The following JADE3 variants were observed in gnomAD, a reference collection of about 807,000 sequenced individuals.
The protein encoded by JADE3 is jade family PHD finger 3.
In JADE3, 2 loss-of-function variants were observed where a neutral mutation model predicts 50.1. The ratio of observed to expected loss-of-function variants is 0.04; its 90% CI spans 0.02 to 0.13. The LOEUF (loss-of-function observed/expected upper bound fraction) is 0.13. Among genes scored for constraint, JADE3 ranks in the 10% least tolerant of loss-of-function variants. JADE3 has a pLI of 1.00. For missense variants in JADE3, 475 were observed against 634.4 expected, an observed-to-expected ratio of 0.75 and a Z score of 2.70; for synonymous variants, 218 against 232.9, an observed-to-expected ratio of 0.94 and a Z score of 0.58.
intron 1 of JADE3, among the ~76,000 whole-genome samples, chrX:46,962,450 A>G (rs782151135): frequency 8.1e-5 from 9 of 111,776 alleles, no homozygotes; most frequent in African/African-American, 2.9e-4. Context: ...GGGTGCTCAG[A>G]TCTGATCTAG....
rs7057693 is a variant in JADE3 at position 46,923,534 on chromosome X, C to T, written c.-12+10815C>T. Among the ~76,000 whole-genome samples, 456 of 104,822 alleles carry T rather than the reference C, an allele frequency of 4.4e-3. 1 individual carries two copies. The highest frequency in any genetic ancestry group is 0.015 in the African/African-American group (423 of 29,163). The allele number at this position is 104,822 out of a possible 115,157, so 91.0% of individuals were successfully genotyped here. ...TCAAGCAGTCCTCCAACCTCAGCCT[C>T]CTGAGTATCTGGGACCACAAGTGCA... is the stretch of plus-strand genomic sequence containing the variant. On this transcript the variant is annotated intron_variant, in intron 1 of 10. Coordinates refer to ENST00000614628, the MANE Select transcript of JADE3 (RefSeq NM_014735.5).
intron 1 of JADE3, among the ~76,000 whole-genome samples, chrX:46,925,395 TG>T: frequency 8.9e-6 from 1 of 112,623 alleles, no homozygotes. Context: ...TATCATTCAG[TG>T]GGGATGTGTG....
chrX:46,920,978 C>T, intron 1 of JADE3, among the ~76,000 whole-genome samples: 1 of 112,068 alleles, frequency 8.9e-6, no homozygotes, highest in Non-Finnish European at 1.9e-5. Flanking sequence ...CAGGGTCTCA[C>T]TGTATTGGCC....
chrX:46,917,528 C>T lies in JADE3; in HGVS notation c.-12+4809C>T, dbSNP rs188870950. On this transcript the variant is annotated intron_variant, in intron 1 of 10. Coordinates refer to ENST00000614628, the MANE Select transcript of JADE3 (RefSeq NM_014735.5). ...GGGAGACCAGCATGGTGCCCTGAGCCTTGAGAATGAGCAGGAATAAGCAAG... is the reference window on the plus strand; with the variant it reads ...GGGAGACCAGCATGGTGCCCTGAGCTTTGAGAATGAGCAGGAATAAGCAAG... Among the ~76,000 whole-genome samples the T allele has an allele frequency of 2.7e-5, 3 of 110,452 alleles. No individual in the cohort carries two copies. The East Asian group carries it at 8.6e-4, about 32-fold the overall frequency.
At chrX:46,951,128 T>C (rs1487607990) in intron 1 of JADE3, among the ~76,000 whole-genome samples, 1 of 106,879 alleles carries the variant, frequency 9.4e-6, no homozygotes, top group Non-Finnish European at 1.9e-5. Flanking sequence ...GCCCAGGCTG[T>C]AGTGCAGTGG....
intron 1 of JADE3, among the ~76,000 whole-genome samples, chrX:46,939,837 A>G (rs1926713495): frequency 8.9e-6 from 1 of 112,471 alleles, no homozygotes; most frequent in Admixed American, 9.4e-5. Context: ...TGTACAGTCC[A>G]TAAGCTAAGA....
intron 1 of JADE3, among the ~76,000 whole-genome samples, chrX:46,950,360 A>G (rs1211538835): frequency 8.9e-6 from 1 of 112,458 alleles, no homozygotes; most frequent in African/African-American, 3.2e-5. Flanking sequence ...GTAGATGTGG[A>G]CATTTCATAT....
chrX:46,926,721 G>C (rs1168174158), intron 1 of JADE3, among the ~76,000 whole-genome samples: 1 of 112,449 alleles, frequency 8.9e-6, no homozygotes, highest in Non-Finnish European at 1.9e-5. Flanking sequence ...TATCACTACA[G>C]TTTTGTTATT....
At chrX:47,044,751 G>T (rs1471256342) in intron 8 of JADE3, among the ~76,000 whole-genome samples, 1 of 112,101 alleles carries the variant, frequency 8.9e-6, no homozygotes, top group Admixed American at 9.5e-5. Context: ...ATAATAAGAT[G>T]TAAGTAGAAA....
intron 5 of JADE3, 109 bp downstream of exon 5, chrX:47,025,023 C>A (rs1190210598): frequency 4.8e-6 from 2 of 415,754 alleles, no homozygotes; most frequent in Non-Finnish European, 8.3e-6. Context: ...CTTTTCTGGC[C>A]TTTTCATTTA....
chrX:46,913,409 A>T (rs1387511401), intron 1 of JADE3, among the ~76,000 whole-genome samples: 2 of 110,422 alleles, frequency 1.8e-5, no homozygotes, highest in African/African-American at 6.6e-5. Flanking sequence ...GTGGCCGCCG[A>T]GCGTCGGGCG....
In JADE3 at chrX:47,058,953, A is replaced by C. The variant is rs1929699858; in HGVS notation, c.2348A>C (p.Asn783Thr). Residue 783 changes from asparagine to threonine, a missense_variant, in exon 11 of 11, where the codon AAT becomes ACT. By Grantham distance (65) the Asn-to-Thr change is moderately conservative. Around this residue, in one of 6 missense-constraint regions of JADE3, gnomAD observed 243 missense variants for 238.2 expected, o/e 1.02. Coordinates refer to ENST00000614628, the MANE Select transcript of JADE3 (RefSeq NM_014735.5). ...LSDSEAESDG[N>T]KEKVRVRKDS... ...GATTCAGAGGCAGAAAGTGATGGGA[A>C]TAAAGAAAAAGTCAGGGTAAGGAAA... The C allele has an allele frequency of 3.3e-6, 4 of 1,209,215 alleles. No homozygotes were observed. The African/African-American group carries it at 7.0e-5, about 21-fold the overall frequency.
At chrX:46,946,623 T>C (rs1457148048) in intron 1 of JADE3, among the ~76,000 whole-genome samples, 1 of 112,188 alleles carries the variant, frequency 8.9e-6, no homozygotes, top group Non-Finnish European at 1.9e-5. Context: ...TTTATTGATA[T>C]ATAGTGAAGA....
rs782097989 is a variant in JADE3, at chrX:47,051,939, C to A, written c.973-2219C>A. 5.4e-5 allele frequency among the ~76,000 whole-genome samples: 6 copies of A among 111,404 alleles called. No homozygotes were observed. In the South Asian group the frequency reaches 1.9e-3, roughly 35 times the overall value. On this transcript the variant is annotated intron_variant, in intron 8 of 10. Coordinates refer to ENST00000614628, the MANE Select transcript of JADE3 (RefSeq NM_014735.5). ...GTGAAACCCCGTCTCTACTAAAATACAAAAATTAGCAGGACTTGGTGGCGC... is the reference window on the plus strand; with the variant it reads ...GTGAAACCCCGTCTCTACTAAAATAAAAAAATTAGCAGGACTTGGTGGCGC...
At position 47,033,735 on chromosome X, in the gene JADE3, A is replaced by G. The variant is rs782502784; in HGVS notation, c.802A>G (p.Thr268Ala). 1 of 1,196,058 alleles carries G rather than the reference A, an allele frequency of 8.4e-7. No individual in the cohort carries two copies. The highest frequency in any genetic ancestry group is 1.1e-6 in the Non-Finnish European group (1 of 887,290). The change falls in exon 7 of 11, where the codon ACC (threonine) becomes GCC (alanine). Residue 268 changes from threonine (T) to alanine (A), a missense_variant. By Grantham distance (58) the Thr-to-Ala change is moderately conservative. Transcript: ENST00000614628. ...AAAGAAAGGTGGAGCCCTGAAGACC[A>G]CCAAGACAGGGACTAAATGGGCTCA... ...CPKKGGALKT[T>A]KTGTKWAHVS...
In JADE3 at chrX:46,971,668, C is replaced by T. The variant is rs1341736417; in HGVS notation, c.-11-13216C>T. Among the ~76,000 whole-genome samples the T allele has an allele frequency of 3.7e-5, 4 of 106,928 alleles. No homozygotes were observed. In the South Asian group the frequency reaches 1.3e-3, roughly 35 times the overall value. The allele number at this position is 106,928 out of a possible 115,157, so 92.9% of individuals were successfully genotyped here. On this transcript the variant is annotated intron_variant, in intron 1 of 10. Coordinates refer to ENST00000614628, the MANE Select transcript of JADE3 (RefSeq NM_014735.5). ...AAAATTAGCCGGGCGTGGTGGCGGG[C>T]GCCTGTAGTCCCAGCTACTTGGGAG...
chrX:47,015,923 G>A (rs1556362784), intron 4 of JADE3, among the ~76,000 whole-genome samples: 2 of 109,614 alleles, frequency 1.8e-5, no homozygotes, highest in Non-Finnish European at 3.8e-5. Flanking sequence ...TTTATTTTTC[G>A]CACATGTCTC....
intron 10 of JADE3, among the ~76,000 whole-genome samples, chrX:47,057,512 T>C (rs1222337291): frequency 9.0e-6 from 1 of 111,555 alleles, no homozygotes; most frequent in African/African-American, 3.3e-5. Flanking sequence ...AGGAATGTTA[T>C]GATTCTTTTC....
At chrX:46,912,891 G>T (rs1182065853) in intron 1 of JADE3, 172 bp downstream of exon 1, 1 of 112,221 alleles carries the variant, frequency 8.9e-6, no homozygotes, top group Non-Finnish European at 1.9e-5. Flanking sequence ...GTCGCCTCCG[G>T]CGTCCCCGGC....
Sources: gnomAD v4.1 joint callset for allele counts (sites outside exome capture counted in the v4.1 genomes callset) on GRCh38, gnomAD v4.1.1 for gene constraint, gnomAD v4.1.1 regional missense constraint, MANE v1.5 for transcripts, NCBI Gene and HGNC (gene_info 2026-07-23, HGNC 2026-07-21) for gene names.